RTTN: variants seen among roughly 807,000 people sequenced by gnomAD.
The protein encoded by RTTN is rotatin.
In RTTN, 182 loss-of-function variants were observed where a neutral mutation model predicts 269.2. The ratio of observed to expected loss-of-function variants is 0.68; its 90% CI spans 0.60 to 0.76. RTTN has a LOEUF of 0.76. Among genes scored for constraint, RTTN ranks in the 30% least tolerant of loss-of-function variants. The pLI is 0.00. For missense variants in RTTN, 2,545 were observed against 2,608.6 expected (o/e 0.98, Z 0.53); for synonymous variants, 1,006 against 963.5 (o/e 1.04, Z -0.82).
chr18:70,101,566 C>G (rs1452517003), intron 28 of RTTN, among the ~76,000 whole-genome samples: 2 of 152,060 alleles, frequency 1.3e-5, no homozygotes, highest in East Asian at 3.9e-4. Flanking sequence ...GTTTTTGTGT[C>G]TGTACCTCCT....
rs747691556 is a variant in RTTN, at chr18:70,149,046, T to A, written c.2173-9A>T. On this transcript the variant is annotated splice_polypyrimidine_tract_variant and intron_variant, in intron 16 of 48. Coordinates refer to ENST00000640769, the MANE Select transcript of RTTN (RefSeq NM_173630.4). ...TCTGTGTCGGCATAGCCCTAATAGATTTGTTTTTAAAGAGAAATTATTGTC... is the reference window on the plus strand; with the variant it reads ...TCTGTGTCGGCATAGCCCTAATAGAATTGTTTTTAAAGAGAAATTATTGTC... 4 of 1,606,598 alleles carry A rather than the reference T, an allele frequency of 2.5e-6. No individual in the cohort carries two copies. Among genetic ancestry groups the A allele is most frequent in the South Asian group, 1.1e-5 (1 of 89,324 alleles).
At chr18:70,141,059 T>C (rs1399465771) in intron 19 of RTTN, among the ~76,000 whole-genome samples, 2 of 152,192 alleles carry the variant, frequency 1.3e-5, no homozygotes, top group Non-Finnish European at 2.9e-5. Flanking sequence ...GTTAACAATA[T>C]TGAAGGAATA....
At chr18:70,178,461 A>G (rs905311347) in intron 10 of RTTN, among the ~76,000 whole-genome samples, 2 of 152,166 alleles carry the variant, frequency 1.3e-5, no homozygotes, top group African/African-American at 4.8e-5. Context: ...TGAGATGATG[A>G]AAAAGTTGCA....
At chr18:70,095,660 G>T (rs931204177) in intron 28 of RTTN, among the ~76,000 whole-genome samples, 1 of 152,094 alleles carries the variant, frequency 6.6e-6, no homozygotes, top group Non-Finnish European at 1.5e-5. Flanking sequence ...AGAGAGATCC[G>T]CTGGTAAGAC....
At chr18:70,007,865 TG>T (rs2056244283) in intron 46 of RTTN, 1 of 152,438 alleles carries the variant, frequency 6.6e-6, no homozygotes, top group South Asian at 2.1e-4. Context: ...CTGCTGTCTC[TG>T]AAGAGAGCAG....
In RTTN at chr18:70,187,167, C is replaced by T. The variant is rs188909014; in HGVS notation, c.1305+941G>A. Among the ~76,000 whole-genome samples, 605 of 152,146 alleles carry T rather than the reference C, an allele frequency of 4.0e-3. 1 individual carries two copies. Among genetic ancestry groups the T allele is most frequent in the South Asian group, 8.1e-3 (39 of 4,802 alleles). Reference sequence around the variant, plus strand: ...AGAGACTAGGTTAACAAATACACAACGAAGCATTTGCTACCTATAAAAAAG... The same window carrying T: ...AGAGACTAGGTTAACAAATACACAATGAAGCATTTGCTACCTATAAAAAAG... On this transcript the variant is annotated intron_variant, in intron 10 of 48. Transcript: ENST00000640769.
chr18:70,139,368 A>T (rs954013564), intron 21 of RTTN, among the ~76,000 whole-genome samples: 4 of 152,230 alleles, frequency 2.6e-5, no homozygotes, highest in African/African-American at 9.6e-5. Flanking sequence ...CAAGGCACAA[A>T]GAACAATCAG....
chr18:70,205,133 C>G lies in RTTN; in HGVS notation c.214G>C (p.Val72Leu). 6.2e-7 allele frequency: 1 copy of G among 1,613,976 alleles called. No homozygotes were observed. The highest frequency in any genetic ancestry group is 8.5e-7 in the Non-Finnish European group (1 of 1,179,834). The change falls in exon 2 of 49, where the codon GTT becomes CTT. Residue 72 changes from valine to leucine, a missense_variant. Coordinates refer to ENST00000640769, the MANE Select transcript of RTTN (RefSeq NM_173630.4). The stretch of plus-strand genomic sequence containing the variant: ...TTATTTCAAAATGACCCTACCTTAA[C>G]CAATCTGCTTAACAGGTTCAGAACC... ...EEVLNLLSRLVKYPPAVQHLV... is the reference protein window; with the variant it reads ...EEVLNLLSRLLKYPPAVQHLV...
At chr18:70,049,694 C>T (rs1387724151) in intron 39 of RTTN, among the ~76,000 whole-genome samples, 1 of 152,060 alleles carries the variant, frequency 6.6e-6, no homozygotes, top group Non-Finnish European at 1.5e-5. Context: ...ACATAAATGT[C>T]AGTTATGAAT....
chr18:70,204,778 TA>T (rs1276798470), intron 2 of RTTN, among the ~76,000 whole-genome samples: 1 of 152,216 alleles, frequency 6.6e-6, no homozygotes, highest in Non-Finnish European at 1.5e-5. Context: ...TATGTAACAT[TA>T]TTTTTAAAGT....
chr18:70,045,789 T>A lies in RTTN; in HGVS notation c.5541+2182A>T, dbSNP rs559573058. Among the ~76,000 whole-genome samples the A allele has an allele frequency of 2.0e-5, 3 of 152,314 alleles. No homozygotes were observed. The East Asian group carries it at 5.8e-4, about 29-fold the overall frequency. Reference sequence around the variant, plus strand: ...ACTGCTTACACGAACACAAAGAGTATGATTTATTAGGAAACATGGTTTAAA... The same window carrying A: ...ACTGCTTACACGAACACAAAGAGTAAGATTTATTAGGAAACATGGTTTAAA... On this transcript the variant is annotated intron_variant, in intron 40 of 48. Transcript: ENST00000640769.
At chr18:70,160,868 C>T (rs2060809517) in intron 14 of RTTN, among the ~76,000 whole-genome samples, 1 of 152,022 alleles carries the variant, frequency 6.6e-6, no homozygotes, top group Non-Finnish European at 1.5e-5. Context: ...AATGGAAAAA[C>T]ATTCTCTGCT....
At chr18:70,158,546 C>T (rs141741426) in intron 14 of RTTN, among the ~76,000 whole-genome samples, 66 of 152,232 alleles carry the variant, frequency 4.3e-4, no homozygotes, top group Middle Eastern at 3.4e-3. Context: ...ATCAAGTCTA[C>T]GTAACAACCA....
intron 28 of RTTN, among the ~76,000 whole-genome samples, chr18:70,106,298 T>C (rs892948462): frequency 3.3e-5 from 5 of 152,152 alleles, no homozygotes; most frequent in African/African-American, 7.2e-5. Context: ...TGAGCTGTGA[T>C]TGCACCACTG....
intron 40 of RTTN, among the ~76,000 whole-genome samples, chr18:70,034,797 C>A (rs1359484136): frequency 6.6e-6 from 1 of 152,090 alleles, no homozygotes; most frequent in African/African-American, 2.4e-5. Context: ...TAGAAAACCC[C>A]ATCGTCTCAG....
At chr18:70,174,272 AAC>A (rs1222585130) in intron 11 of RTTN, among the ~76,000 whole-genome samples, 3 of 152,316 alleles carry the variant, frequency 2.0e-5, no homozygotes, top group Admixed American at 6.5e-5. Flanking sequence ...GTAATTGGCA[AAC>A]ACACAGAAGA....
At chr18:70,023,215 G>C (rs1402357110) in intron 44 of RTTN, among the ~76,000 whole-genome samples, 2 of 152,144 alleles carry the variant, frequency 1.3e-5, no homozygotes, top group Admixed American at 1.3e-4. Flanking sequence ...GATGATTGCA[G>C]AGACTCTGAG....
At chr18:70,127,947 T>C in intron 24 of RTTN, 1 of 552,434 alleles carries the variant, frequency 1.8e-6, no homozygotes, top group East Asian at 3.1e-5. Flanking sequence ...TATTGACTTT[T>C]CCTCCTTATA....
chr18:70,117,855 A>G (rs2059638791), intron 26 of RTTN, among the ~76,000 whole-genome samples: 1 of 151,998 alleles, frequency 6.6e-6, no homozygotes, highest in African/African-American at 2.4e-5. Flanking sequence ...ACATATACAT[A>G]AAAATTAAGC....
Sources: gnomAD v4.1 joint callset for allele counts (sites outside exome capture counted in the v4.1 genomes callset) on GRCh38, gnomAD v4.1.1 for gene constraint, MANE v1.5 for transcripts, NCBI Gene and HGNC (gene_info 2026-07-23, HGNC 2026-07-21) for gene names.